NR3C2: variants seen among roughly 807,000 people sequenced by gnomAD.
NR3C2 encodes nuclear receptor subfamily 3 group C member 2, also known as mineralocorticoid receptor.
NR3C2 carries 15 observed loss-of-function variants against 86.4 expected under a neutral mutation model. The ratio of observed to expected loss-of-function variants is 0.17; its 90% CI spans 0.12 to 0.27. The LOEUF is 0.27. Ranked by LOEUF, NR3C2 falls within the 10% of genes least tolerant of loss-of-function variation. The probability of loss-of-function intolerance (pLI) is 1.00; values close to 1 mark genes in which losing one functional copy is unlikely to be tolerated. For missense variants in NR3C2, 960 were observed against 1,195.6 expected (o/e 0.80, Z 2.91); for synonymous variants, 458 against 450.5 (o/e 1.02, Z -0.21).
At chr4:148,316,669 G>T (rs976865919) in intron 2 of NR3C2, among the ~76,000 whole-genome samples, 1 of 152,154 alleles carries the variant, frequency 6.6e-6, no homozygotes, top group Non-Finnish European at 1.5e-5. Context: ...TCTATTTATA[G>T]ATCTGACTCC....
intron 6 of NR3C2, among the ~76,000 whole-genome samples, chr4:148,138,375 T>C (rs1733449837): frequency 6.6e-6 from 1 of 152,186 alleles, no homozygotes; most frequent in Non-Finnish European, 1.5e-5. Context: ...ATATTGGGTA[T>C]GTCTCTCTCA....
At chr4:148,136,118 CA>C (rs1229229227) in intron 6 of NR3C2, among the ~76,000 whole-genome samples, 2 of 133,416 alleles carry the variant, frequency 1.5e-5, no homozygotes, top group South Asian at 2.5e-4. Context: ...AAAAAACAAA[CA>C]AAAAAACTTT....
upstream of NR3C2, among the ~76,000 whole-genome samples, chr4:148,443,222 C>CAAAAAAAAAAAAA (rs59506438): frequency 3.4e-4 from 14 of 40,998 alleles, no homozygotes; most frequent in African/African-American, 6.3e-4. Flanking sequence ...CCCCTAACAC[C>CAAAAAAAAAAAAA]AAAAAAAAAA....
chr4:148,146,942 A>G (rs1461761887), intron 6 of NR3C2, among the ~76,000 whole-genome samples: 1 of 152,230 alleles, frequency 6.6e-6, no homozygotes, highest in East Asian at 1.9e-4. Flanking sequence ...TTATAAAAAA[A>G]GAAAAAAAAA....
chr4:148,299,143 C>A (rs1742204513), intron 2 of NR3C2, among the ~76,000 whole-genome samples: 1 of 152,162 alleles, frequency 6.6e-6, no homozygotes, highest in South Asian at 2.1e-4. Context: ...CTGGTCTCCT[C>A]ACCTTTCAAT....
At chr4:148,270,890 C>T (rs1303543211) in intron 2 of NR3C2, among the ~76,000 whole-genome samples, 4 of 152,156 alleles carry the variant, frequency 2.6e-5, no homozygotes, top group Admixed American at 1.3e-4. Flanking sequence ...TAGTTGTTTC[C>T]TACCTGTTTT....
intron 2 of NR3C2, among the ~76,000 whole-genome samples, chr4:148,288,478 A>G (rs1054956261): frequency 3.9e-5 from 6 of 152,214 alleles, no homozygotes; most frequent in African/African-American, 1.4e-4. Flanking sequence ...ATAACAATGA[A>G]GAGTTTGGCT....
chr4:148,226,527 A>C (rs554794291), intron 3 of NR3C2, among the ~76,000 whole-genome samples: 1 of 152,304 alleles, frequency 6.6e-6, no homozygotes, highest in South Asian at 2.1e-4. Context: ...ATTCATGTGC[A>C]CATATTTGTG....
At chr4:148,375,246 G>A (rs994797542) in intron 2 of NR3C2, among the ~76,000 whole-genome samples, 2 of 151,956 alleles carry the variant, frequency 1.3e-5, no homozygotes, top group African/African-American at 2.4e-5. Context: ...ACTTGAGGTC[G>A]GTAGTTCGAA....
intron 8 of NR3C2, among the ~76,000 whole-genome samples, chr4:148,091,571 CAGA>C (rs1400355684): frequency 2.0e-5 from 3 of 152,192 alleles, no homozygotes; most frequent in African/African-American, 7.2e-5. Flanking sequence ...ACTGACCAGC[CAGA>C]ATAGATACTG....
intron 3 of NR3C2, among the ~76,000 whole-genome samples, chr4:148,207,307 G>C (rs1019788881): frequency 2.6e-5 from 4 of 152,152 alleles, no homozygotes; most frequent in Non-Finnish European, 4.4e-5. Context: ...AGTGATGGCA[G>C]GATTCAAACT....
At chr4:148,209,590 G>T (rs1001081215) in intron 3 of NR3C2, among the ~76,000 whole-genome samples, 9 of 152,156 alleles carry the variant, frequency 5.9e-5, no homozygotes, top group Non-Finnish European at 1.2e-4. Flanking sequence ...GAGACACTCG[G>T]CCTGGCCTAA....
intron 8 of NR3C2, among the ~76,000 whole-genome samples, chr4:148,094,225 C>G (rs992868539): frequency 1.3e-5 from 2 of 152,140 alleles, no homozygotes; most frequent in East Asian, 1.9e-4. Context: ...TGGAAAATAA[C>G]AAGTGTTGAC....
chr4:148,295,755 C>T (rs73854504), intron 2 of NR3C2, among the ~76,000 whole-genome samples: 11,383 of 151,674 alleles, frequency 0.075, 518 homozygotes, highest in Middle Eastern at 0.22. Flanking sequence ...TCCATGTAGA[C>T]TAATTCTTCT....
At chr4:148,302,744 A>G (rs115177614) in intron 2 of NR3C2, among the ~76,000 whole-genome samples, 6,561 of 151,400 alleles carry the variant, frequency 0.043, 456 homozygotes, top group African/African-American at 0.15. Flanking sequence ...TACTTGGGAG[A>G]CTGAGTCAGG....
At chr4:148,297,213 C>A (rs1324302732) in intron 2 of NR3C2, among the ~76,000 whole-genome samples, 1 of 152,106 alleles carries the variant, frequency 6.6e-6, no homozygotes, top group Admixed American at 6.6e-5. Context: ...GTTGACTAAT[C>A]AACACATCTA....
At chr4:148,189,099 T>C (rs1736075707) in intron 4 of NR3C2, among the ~76,000 whole-genome samples, 1 of 152,022 alleles carries the variant, frequency 6.6e-6, no homozygotes, top group Non-Finnish European at 1.5e-5. Flanking sequence ...TGGCTAATTT[T>C]TGTATTTTTA....
chr4:148,149,155 A>G (rs1042317769), intron 6 of NR3C2, among the ~76,000 whole-genome samples: 2 of 152,234 alleles, frequency 1.3e-5, no homozygotes, highest in African/African-American at 2.4e-5. Flanking sequence ...TGAGAGAAAG[A>G]AACCCTACAG....
At chr4:148,442,687 A>C (rs1456470575), upstream of NR3C2, 2 of 985,230 alleles carry the variant, frequency 2.0e-6, no homozygotes, top group African/African-American at 1.7e-5. Context: ...ACTGATACAA[A>C]GTTGCTGCGA....
Sources: allele counts gnomAD v4.1 joint callset (sites outside exome capture counted in the v4.1 genomes callset), GRCh38; gene constraint gnomAD v4.1.1; transcripts MANE v1.5; gene names NCBI Gene and HGNC (gene_info 2026-07-23, HGNC 2026-07-21).